Variants in SPI1 observed in about 807,000 individuals in gnomAD.
SPI1 encodes the protein Spi-1 proto-oncogene.
In SPI1, 3 loss-of-function variants were observed where a neutral mutation model predicts 30.7. The ratio of observed to expected loss-of-function variants is 0.10; its 90% CI spans 0.04 to 0.25. The LOEUF (loss-of-function observed/expected upper bound fraction) is 0.25. SPI1 is among the 10% of genes least tolerant of loss of function. SPI1 has a pLI of 1.00. For missense variants in SPI1, 261 were observed against 371.5 expected, an observed-to-expected ratio of 0.70 and a Z score of 2.45; for synonymous variants, 169 against 157.1, an observed-to-expected ratio of 1.08 and a Z score of -0.56.
rs377219165 is a variant in SPI1 at position 47,360,044 on chromosome 11, T to C, written c.143-4A>G. On this transcript the variant is annotated splice_region_variant and splice_polypyrimidine_tract_variant and intron_variant, in intron 2 of 4. Coordinates refer to ENST00000378538, the MANE Select transcript of SPI1 (RefSeq NM_003120.3). ...GGGTGGAAGTCCCAGTAATGGTCTG[T>C]GGGGGACAGCCAGGCAGTATGGGGT... The C allele has an allele frequency of 2.3e-4, 354 of 1,549,160 alleles. No individual in the cohort carries two copies. Among genetic ancestry groups the C allele is most frequent in the Non-Finnish European group, 2.9e-4 (334 of 1,144,240 alleles).
chr11:47,361,364 G>A (rs1035813073), intron 2 of SPI1, among the ~76,000 whole-genome samples: 1 of 152,152 alleles, frequency 6.6e-6, no homozygotes, highest in Admixed American at 6.5e-5. Flanking sequence ...GTTCCCGTGA[G>A]GTTCCTGGGA....
intron 2 of SPI1, among the ~76,000 whole-genome samples, chr11:47,371,667 T>TAA (rs202084665): frequency 4.5e-4 from 62 of 138,564 alleles, no homozygotes; most frequent in South Asian, 2.8e-3. Context: ...AACTCCGTCT[T>TAA]AAAAAAAAAA....
intron 2 of SPI1, among the ~76,000 whole-genome samples, chr11:47,373,090 C>T (rs537893059): frequency 2.6e-5 from 4 of 152,298 alleles, no homozygotes; most frequent in South Asian, 2.1e-4. Flanking sequence ...CAGTGGCTCA[C>T]GCCTGTAATC....
intron 4 of SPI1, among the ~76,000 whole-genome samples, chr11:47,357,218 CATGCTCACACAT>C (rs1435404962): frequency 8.6e-5 from 13 of 151,492 alleles, no homozygotes; most frequent in South Asian, 2.1e-4. Flanking sequence ...TGCACACACA[CATGCTCACACAT>C]ATGCTCACAC....
chr11:47,366,743 C>T (rs1159182154), intron 2 of SPI1, among the ~76,000 whole-genome samples: 3 of 151,992 alleles, frequency 2.0e-5, no homozygotes, highest in Admixed American at 2.0e-4. Flanking sequence ...ATTACTTGAA[C>T]CCAGGAGATG....
At chr11:47,358,785 G>T in intron 4 of SPI1, 59 bp downstream of exon 4, 1 of 1,516,420 alleles carries the variant, frequency 6.6e-7, no homozygotes, top group Non-Finnish European at 8.9e-7. Flanking sequence ...CTGGCTGGGT[G>T]GGGGCAGGGC....
chr11:47,357,504 C>A (rs538953023), intron 4 of SPI1, among the ~76,000 whole-genome samples: 1 of 151,688 alleles, frequency 6.6e-6, no homozygotes, highest in African/African-American at 2.4e-5. Context: ...GCTCTCACAT[C>A]CACTCACAGC....
rs987996037 is a variant in SPI1, at chr11:47,374,974, A to G, written c.142+659T>C. ...TTTTCCTTCGGCCCAGCAGTTCCCA[A>G]TTAGGGGTGATTTTGCCTCCCGGGG... On this transcript the variant is annotated intron_variant, in intron 2 of 4. Transcript: ENST00000378538. The surrounding 1 kb of genome is among the most constrained non-coding windows in gnomAD (Gnocchi z 4.5). 6.6e-6 allele frequency among the ~76,000 whole-genome samples: 1 copy of G among 152,154 alleles called. No individual in the cohort carries two copies. The highest frequency in any genetic ancestry group is 1.5e-5 in the Non-Finnish European group (1 of 68,026).
intron 4 of SPI1, among the ~76,000 whole-genome samples, chr11:47,356,645 G>A (rs2095910168): frequency 1.3e-5 from 2 of 150,942 alleles, no homozygotes; most frequent in Admixed American, 1.3e-4. Context: ...AAACACACCT[G>A]CTTACACATC....
chr11:47,362,848 A>G (rs2095922955), intron 2 of SPI1, among the ~76,000 whole-genome samples: 1 of 151,878 alleles, frequency 6.6e-6, no homozygotes, highest in African/African-American at 2.4e-5. Flanking sequence ...TGCTGGGATT[A>G]CAGGCTTGAG....
At chr11:47,376,100 C>T (rs1034825044) in intron 1 of SPI1, among the ~76,000 whole-genome samples, 5 of 152,000 alleles carry the variant, frequency 3.3e-5, no homozygotes, top group African/African-American at 1.2e-4. Flanking sequence ...CCCTCACACT[C>T]ATAATCCCAC....
Position 47,355,475 on chromosome 11 carries a change from T to A in SPI1, c.565A>T (p.Ile189Phe), listed in dbSNP as rs2095906645. 1 of 1,613,298 alleles carries A rather than the reference T, an allele frequency of 6.2e-7. No individual in the cohort carries two copies. Among genetic ancestry groups the A allele is most frequent in the African/African-American group, 1.3e-5 (1 of 74,856 alleles). The change falls in exon 5 of 5, where the codon ATC becomes TTC. Residue 189 changes from isoleucine to phenylalanine, a missense_variant. Around this residue, in one of 5 missense-constraint regions of SPI1, gnomAD observed 43 missense variants for 123.8 expected, o/e 0.35. Transcript: ENST00000378538. ...CCCTTGTCCTTGTCCACCCACCAGA[T>A]GCTGTCCTTCATGTCGCCGCTGCGG... Reference protein sequence around the residue: ...LLRSGDMKDSIWWVDKDKGTF... With the variant: ...LLRSGDMKDSFWWVDKDKGTF...
chr11:47,356,860 A>G (rs565338289), intron 4 of SPI1, among the ~76,000 whole-genome samples: 1 of 148,478 alleles, frequency 6.7e-6, no homozygotes, highest in Non-Finnish European at 1.5e-5. Context: ...ACACCTGCTC[A>G]CACACATCTC....
intron 4 of SPI1, chr11:47,358,554 G>A (rs1325400475): frequency 2.9e-5 from 20 of 695,304 alleles, no homozygotes; most frequent in African/African-American, 7.0e-5. Context: ...CTGTGCACAC[G>A]CACCCTCTGC....
chr11:47,360,623 TG>T (rs1565638906), intron 2 of SPI1, among the ~76,000 whole-genome samples: 1 of 139,846 alleles, frequency 7.2e-6, no homozygotes, highest in Non-Finnish European at 1.6e-5. Context: ...GTCAGGAGAT[TG>T]AGACCATCCT....
intron 2 of SPI1, among the ~76,000 whole-genome samples, chr11:47,371,118 TG>T (rs2095935104): frequency 6.6e-6 from 1 of 152,016 alleles, no homozygotes; most frequent in Admixed American, 6.6e-5. Flanking sequence ...CCCAGCACTT[TG>T]GGAGGCCAAG....
At position 47,360,020 on chromosome 11, in the gene SPI1, G is replaced by T. The variant is rs1300739924; in HGVS notation, c.163C>A (p.Pro55Thr). ...TCGAACTCGCTGTGCACGTGGTGGG[G>T]GTGGAAGTCCCAGTAATGGTCTGTG... ...SHSDHYWDFH[P>T]HHVHSEFESF... The change falls in exon 3 of 5, where the codon CCC (proline) becomes ACC (threonine). Residue 55 changes from proline to threonine, a missense_variant. By Grantham distance (38) the Pro-to-Thr change is conservative (BLOSUM62 -1). Transcript: ENST00000378538. The T allele has an allele frequency of 1.9e-6, 3 of 1,584,418 alleles. No homozygotes were observed. Among genetic ancestry groups the T allele is most frequent in the East Asian group, 2.3e-5 (1 of 44,204 alleles).
At chr11:47,356,491 CCTT>C (rs1207553329) in intron 4 of SPI1, among the ~76,000 whole-genome samples, 1 of 144,732 alleles carries the variant, frequency 6.9e-6, no homozygotes, top group Admixed American at 7.0e-5. Flanking sequence ...ACCCAATGCA[CCTT>C]CTCACACTCA....
intron 4 of SPI1, among the ~76,000 whole-genome samples, chr11:47,356,929 A>G (rs1039381273): frequency 6.9e-6 from 1 of 144,152 alleles, no homozygotes; most frequent in African/African-American, 2.5e-5. Context: ...CACACCTCAC[A>G]CCATTCACTC....
Sources: allele counts gnomAD v4.1 joint callset (sites outside exome capture counted in the v4.1 genomes callset), GRCh38; gene constraint gnomAD v4.1.1; regional missense constraint gnomAD v4.1.1; non-coding constraint Gnocchi (gnomAD v3.1); transcripts MANE v1.5; gene names NCBI Gene and HGNC (gene_info 2026-07-23, HGNC 2026-07-21).